Variants in ANKRD6 observed in about 807,000 individuals in gnomAD.
ANKRD6 encodes ankyrin repeat domain 6, also known as ankyrin repeat domain-containing protein 6.
ANKRD6 carries 56 observed loss-of-function variants against 82.3 expected under a neutral mutation model. The observed-to-expected ratio is 0.68, with a 90% CI of 0.55 to 0.85. ANKRD6 has a LOEUF of 0.85. Among genes scored for constraint, ANKRD6 ranks in the 40% least tolerant of loss-of-function variants. The pLI is 0.00. For synonymous variants in ANKRD6, 347 were observed against 352.1 expected (o/e 0.99, Z 0.16); for missense variants, 852 against 907.6 (o/e 0.94, Z 0.79).
At chr6:89,540,118 C>T (rs968730686) in intron 1 of ANKRD6, among the ~76,000 whole-genome samples, 1 of 151,990 alleles carries the variant, frequency 6.6e-6, no homozygotes, top group African/African-American at 2.4e-5. Context: ...TTTTTTGATA[C>T]ACTGGTTTCC....
chr6:89,623,980 T>TGCC lies in ANKRD6; in HGVS notation c.1141_1142insGCC (p.Ser381delinsCysPro). On this transcript the variant is annotated protein_altering_variant, in exon 12 of 16. Coordinates refer to ENST00000339746, the MANE Select transcript of ANKRD6 (RefSeq NM_001242809.2). ...AAAGAGGAACAGGCATCGGTGTTCATCCCCACCCCCACCCCATGAGTTCAG... is the reference window on the plus strand; with the variant it reads ...AAAGAGGAACAGGCATCGGTGTTCATGCCCCCCACCCCCACCCCATGAGTTCAG... The TGCC allele has an allele frequency of 1.2e-6, 2 of 1,611,296 alleles. No individual in the cohort carries two copies. The highest frequency in any genetic ancestry group is 1.7e-6 in the Non-Finnish European group (2 of 1,177,916).
intron 1 of ANKRD6, among the ~76,000 whole-genome samples, chr6:89,542,556 C>T (rs182774176): frequency 6.6e-6 from 1 of 152,298 alleles, no homozygotes; most frequent in Admixed American, 6.5e-5. Context: ...AAAACCAAGT[C>T]CTTTGACATT....
At chr6:89,603,188 C>T (rs1797643332) in intron 4 of ANKRD6, 61 bp downstream of exon 4, 1 of 1,473,230 alleles carries the variant, frequency 6.8e-7, no homozygotes, top group Non-Finnish European at 9.3e-7. Context: ...CTCAGGGGAG[C>T]TGGAGGAGCC....
At chr6:89,620,576 C>G (rs1167594974) in intron 9 of ANKRD6, among the ~76,000 whole-genome samples, 1 of 152,092 alleles carries the variant, frequency 6.6e-6, no homozygotes, top group African/African-American at 2.4e-5. Flanking sequence ...ACATTTTTAA[C>G]TATTACGGAC....
chr6:89,531,788 C>CA (rs1313547620), intron 1 of ANKRD6, among the ~76,000 whole-genome samples: 6 of 152,144 alleles, frequency 3.9e-5, no homozygotes, highest in African/African-American at 1.4e-4. Context: ...GATTCTCCTA[C>CA]AAAAAAGGCC....
chr6:89,569,430 A>G (rs557198341), intron 2 of ANKRD6, among the ~76,000 whole-genome samples: 53 of 152,224 alleles, frequency 3.5e-4, no homozygotes, highest in African/African-American at 1.3e-3. Context: ...TCAGTACTTC[A>G]TTCCTTTTCA....
intron 2 of ANKRD6, among the ~76,000 whole-genome samples, chr6:89,585,627 G>A (rs999641869): frequency 6.6e-6 from 1 of 152,232 alleles, no homozygotes; most frequent in Admixed American, 6.5e-5. Flanking sequence ...TACTAGGGCC[G>A]GCCAGATGTG....
intron 1 of ANKRD6, among the ~76,000 whole-genome samples, chr6:89,467,704 A>G (rs1025728410): frequency 8.5e-5 from 13 of 152,272 alleles, no homozygotes; most frequent in African/African-American, 2.4e-4. Context: ...GTTCCAAAAG[A>G]TTTATGTTTC....
intron 1 of ANKRD6, among the ~76,000 whole-genome samples, chr6:89,471,929 A>G: frequency 7.3e-6 from 1 of 137,646 alleles, no homozygotes; most frequent in Non-Finnish European, 1.6e-5. Flanking sequence ...ACAAGAGCGA[A>G]ACTCCATCTC....
At chr6:89,531,087 T>C (rs1783084220) in intron 1 of ANKRD6, among the ~76,000 whole-genome samples, 1 of 152,198 alleles carries the variant, frequency 6.6e-6, no homozygotes, top group South Asian at 2.1e-4. Context: ...TCATTGTGGC[T>C]GCACACCTCA....
intron 1 of ANKRD6, among the ~76,000 whole-genome samples, chr6:89,459,488 A>C (rs1303197424): frequency 6.6e-6 from 1 of 152,196 alleles, no homozygotes; most frequent in Non-Finnish European, 1.5e-5. Flanking sequence ...TTGAATGTCC[A>C]TTCTTGGTTC....
At chr6:89,453,757 T>C (rs1322841128) in intron 1 of ANKRD6, among the ~76,000 whole-genome samples, 2 of 149,934 alleles carry the variant, frequency 1.3e-5, no homozygotes, top group Non-Finnish European at 3.0e-5. Flanking sequence ...GTATTTTTTA[T>C]TTATTTATTT....
chr6:89,593,432 C>G (rs966000357), intron 2 of ANKRD6, among the ~76,000 whole-genome samples: 29 of 152,228 alleles, frequency 1.9e-4, no homozygotes, highest in Non-Finnish European at 3.4e-4. Flanking sequence ...TGGCTGAGCA[C>G]AGTCACTGTC....
At chr6:89,449,029 C>CAAAAAA (rs368751340) in intron 1 of ANKRD6, among the ~76,000 whole-genome samples, 6 of 52,392 alleles carry the variant, frequency 1.1e-4, no homozygotes, top group East Asian at 5.6e-4. Flanking sequence ...GACTCCGTCT[C>CAAAAAA]AAAAAAAAAA....
chr6:89,453,871 G>A (rs777670732), intron 1 of ANKRD6, among the ~76,000 whole-genome samples: 18 of 151,272 alleles, frequency 1.2e-4, no homozygotes, highest in Admixed American at 5.3e-4. Context: ...GCATGATCTC[G>A]GCTCACTGCA....
chr6:89,488,747 A>G (rs1371603576), intron 1 of ANKRD6, among the ~76,000 whole-genome samples: 5 of 152,218 alleles, frequency 3.3e-5, no homozygotes, highest in African/African-American at 7.2e-5. Flanking sequence ...TTGATCAAGA[A>G]CAGTGGGTTT....
Position 89,624,557 on chromosome 6 carries a change from C to T in ANKRD6, c.1237C>T (p.Arg413Ter), listed in dbSNP as rs751110622. ...CTCTTAGGCACCAATAAATGGTTGT[C>T]GATGTGAACCTCTAATCAACAAGCT... Reference protein sequence around the residue: ...KVMQAPINGCRCEPLINKLEN... With the variant: ...KVMQAPINGC Residue 413 changes from arginine to a stop codon, truncating the protein, a stop_gained, in exon 13 of 16, where the codon CGA becomes TGA. Transcript: ENST00000339746. LOFTEE classifies it high-confidence loss of function. 1.1e-5 allele frequency: 17 copies of T among 1,552,794 alleles called. No homozygotes were observed. The highest frequency in any genetic ancestry group is 4.1e-5 in the African/African-American group (3 of 73,064).
chr6:89,624,133 G>T, intron 12 of ANKRD6, 76 bp downstream of exon 12: 2 of 1,448,272 alleles, frequency 1.4e-6, no homozygotes, highest in South Asian at 2.8e-5. Context: ...ATTCCTGGGG[G>T]CTGATAGGCA....
chr6:89,437,401 TC>T (rs1251716788), intron 1 of ANKRD6, among the ~76,000 whole-genome samples: 1 of 152,168 alleles, frequency 6.6e-6, no homozygotes, highest in Non-Finnish European at 1.5e-5. Flanking sequence ...CCAAAGGAAG[TC>T]CCAGAATGAA....
Sources: allele counts gnomAD v4.1 joint callset (sites outside exome capture counted in the v4.1 genomes callset), GRCh38; gene constraint gnomAD v4.1.1; transcripts MANE v1.5; gene names NCBI Gene and HGNC (gene_info 2026-07-23, HGNC 2026-07-21).